Variants in SPATA13 observed in about 807,000 individuals in gnomAD.
SPATA13 encodes spermatogenesis associated 13.
SPATA13 carries 50 observed loss-of-function variants against 104.0 expected under a neutral mutation model. The observed-to-expected ratio is 0.48, with a 90% CI of 0.38 to 0.61. SPATA13 has a LOEUF of 0.61. SPATA13 is among the 20% of genes least tolerant of loss of function. The pLI, the probability that SPATA13 is intolerant of heterozygous loss-of-function variation, is 0.00. For missense variants in SPATA13, 1,524 were observed against 1,690.6 expected (o/e 0.90, Z 1.73); for synonymous variants, 606 against 667.5 (o/e 0.91, Z 1.42).
rs1443213965 is a variant in SPATA13 at position 24,008,529 on chromosome 13, A to G, written c.-146-9138A>G. Among the ~76,000 whole-genome samples, 3 of 152,104 alleles carry G rather than the reference A, an allele frequency of 2.0e-5. No homozygotes were observed. In the East Asian group the frequency reaches 5.8e-4, roughly 29 times the overall value. ...ACGGTCTTGTTGGTGGTGACTTCAG[A>G]TAAGAGGTAGGGAGCAGGAGAGCAG... On this transcript the variant is annotated intron_variant, in intron 2 of 14. Transcript: ENST00000424834.
intron 3 of SPATA13, among the ~76,000 whole-genome samples, chr13:24,127,465 G>C (rs983399893): frequency 6.6e-6 from 1 of 152,204 alleles, no homozygotes; most frequent in Admixed American, 6.5e-5. Flanking sequence ...GGGAGCCCCC[G>C]TAGGTAGTCT....
At chr13:24,101,612 ACT>A (rs546953131) in intron 3 of SPATA13, among the ~76,000 whole-genome samples, 68 of 152,292 alleles carry the variant, frequency 4.5e-4, no homozygotes, top group East Asian at 3.9e-3. Flanking sequence ...AAAACTTGTA[ACT>A]CTATATTCAC....
chr13:24,063,200 T>A (rs375471736), intron 3 of SPATA13, among the ~76,000 whole-genome samples: 1 of 152,084 alleles, frequency 6.6e-6, no homozygotes, highest in East Asian at 1.9e-4. Flanking sequence ...CAGAACCTGG[T>A]TTTATTCGCG....
chr13:24,136,828 T>TTATGAGAGATAAGGTCACATGCATTAGAG (rs1566117257), intron 3 of SPATA13, among the ~76,000 whole-genome samples: 7 of 107,992 alleles, frequency 6.5e-5, no homozygotes, highest in Admixed American at 1.0e-4. Context: ...TTCTTTATTT[T>TTATGAGAGATAAGGTCACATGCATTAGAG]ATTTATTTAT....
Position 24,228,175 on chromosome 13 carries a change from G to A in SPATA13, c.1653+3593G>A, listed in dbSNP as rs183764427. 3.0e-4 allele frequency among the ~76,000 whole-genome samples: 43 copies of A among 141,152 alleles called. No homozygotes were observed. In the East Asian group the frequency reaches 4.6e-3, roughly 15 times the overall value. The allele number at this position is 141,152 out of a possible 152,430, so 92.6% of individuals were successfully genotyped here. On this transcript the variant is annotated intron_variant, in intron 2 of 12. Transcript: ENST00000382108. The stretch of plus-strand genomic sequence containing the variant: ...GTCGCCTAGGCTGGAGTGCAGTGGC[G>A]TAATCTCGGCTCACTGCAAGCTCCA...
chr13:24,290,800 G>T lies in SPATA13; in HGVS notation c.2996G>T (p.Gly999Val), dbSNP rs779455250. 6.2e-7 allele frequency: 1 copy of T among 1,614,064 alleles called. No individual in the cohort carries two copies. Among genetic ancestry groups the T allele is most frequent in the Admixed American group, 1.7e-5 (1 of 59,996 alleles). ...CAGATGATTGACATCGCCATCGACG[G>T]GTTCCTGCTCACACCAGTGCAGAAG... ...LQQMIDIAID[G>V]FLLTPVQKIC... The change falls in exon 9 of 13, where the codon GGG becomes GTG. Residue 999 changes from glycine to valine, a missense_variant. Physicochemically the swap from Gly to Val is moderately radical, Grantham distance 109 (BLOSUM62 -3). Around this residue, in one of 2 missense-constraint regions of SPATA13, gnomAD observed 435 missense variants for 554.8 expected, o/e 0.78. Coordinates refer to ENST00000382108, the MANE Select transcript of SPATA13 (RefSeq NM_001166271.3).
chr13:24,150,120 A>G (rs1474288608), intron 3 of SPATA13, among the ~76,000 whole-genome samples: 2 of 152,078 alleles, frequency 1.3e-5, no homozygotes. Context: ...AGGTGGACTG[A>G]TGGGGGACAG....
intron 3 of SPATA13, among the ~76,000 whole-genome samples, chr13:24,040,826 C>G (rs1210813838): frequency 2.0e-5 from 3 of 152,120 alleles, no homozygotes; most frequent in African/African-American, 7.2e-5. Flanking sequence ...CTTTATAAAA[C>G]TCTTCCCAGT....
chr13:23,980,496 A>C (rs1173776438), intron 1 of SPATA13, among the ~76,000 whole-genome samples: 1 of 152,222 alleles, frequency 6.6e-6, no homozygotes, highest in Non-Finnish European at 1.5e-5. Context: ...ATAAACTATC[A>C]CCTACTTAAT....
At chr13:24,246,928 G>A (rs1873174478) in intron 2 of SPATA13, among the ~76,000 whole-genome samples, 1 of 152,174 alleles carries the variant, frequency 6.6e-6, no homozygotes, top group African/African-American at 2.4e-5. Flanking sequence ...ACTAGGCCGG[G>A]AGAAGAGAAC....
At chr13:24,010,361 A>T (rs866131865) in intron 2 of SPATA13, among the ~76,000 whole-genome samples, 1 of 152,038 alleles carries the variant, frequency 6.6e-6, no homozygotes, top group Non-Finnish European at 1.5e-5. Flanking sequence ...AAGATAAGCC[A>T]TCACTTTACA....
At chr13:24,300,901 C>T (rs1877137124) in intron 12 of SPATA13, among the ~76,000 whole-genome samples, 1 of 152,062 alleles carries the variant, frequency 6.6e-6, no homozygotes, top group Admixed American at 6.5e-5. Flanking sequence ...TGGATATAGT[C>T]TAGTTTAAGT....
chr13:24,183,917 T>C (rs1309396667), intron 1 of SPATA13, among the ~76,000 whole-genome samples: 4 of 152,086 alleles, frequency 2.6e-5, no homozygotes, highest in Non-Finnish European at 5.9e-5. Flanking sequence ...CGTCACATGG[T>C]GTTTTCCATG....
At chr13:24,066,129 A>G (rs1878954961) in intron 3 of SPATA13, among the ~76,000 whole-genome samples, 1 of 152,208 alleles carries the variant, frequency 6.6e-6, no homozygotes, top group African/African-American at 2.4e-5. Context: ...TTGTACCTTT[A>G]GGTTACACGT....
intron 3 of SPATA13, chr13:24,122,648 C>G: frequency 8.5e-7 from 1 of 1,173,552 alleles, no homozygotes; most frequent in Non-Finnish European, 1.3e-6. Context: ...TACTGTATAT[C>G]ACTTCAAGAT....
At chr13:24,288,761 A>G (rs1593503671) in intron 7 of SPATA13, among the ~76,000 whole-genome samples, 1 of 152,308 alleles carries the variant, frequency 6.6e-6, no homozygotes, top group Non-Finnish European at 1.5e-5. Context: ...GTTTCTGGAA[A>G]CATTATATGG....
At chr13:24,219,952 T>C (rs1158931998) in intron 1 of SPATA13, among the ~76,000 whole-genome samples, 2 of 152,194 alleles carry the variant, frequency 1.3e-5, no homozygotes, top group African/African-American at 4.8e-5. Flanking sequence ...TATCCTGAGA[T>C]ACCCTTCATT....
intron 3 of SPATA13, among the ~76,000 whole-genome samples, chr13:24,071,234 A>G (rs541729646): frequency 1.3e-5 from 2 of 152,308 alleles, no homozygotes; most frequent in Admixed American, 6.5e-5. Flanking sequence ...CCTAGGACTC[A>G]TAGTAGACAC....
chr13:24,198,576 A>C (rs1870220522), intron 1 of SPATA13, among the ~76,000 whole-genome samples: 1 of 152,248 alleles, frequency 6.6e-6, no homozygotes, highest in Non-Finnish European at 1.5e-5. Flanking sequence ...AGGTATGATT[A>C]TTAATCTTCA....
Sources: gnomAD v4.1 joint callset for allele counts (sites outside exome capture counted in the v4.1 genomes callset) on GRCh38, gnomAD v4.1.1 for gene constraint, gnomAD v4.1.1 regional missense constraint, MANE v1.5 for transcripts, NCBI Gene and HGNC (gene_info 2026-07-23, HGNC 2026-07-21) for gene names.